ARHGAP42: variants seen among roughly 807,000 people sequenced by gnomAD.
ARHGAP42 encodes rho GTPase-activating protein 42.
Under a neutral mutation model 125.0 loss-of-function variants are expected in ARHGAP42, and 63 were observed. The ratio of observed to expected loss-of-function variants is 0.50; its 90% CI spans 0.41 to 0.62. ARHGAP42 has a LOEUF of 0.62. Among genes scored for constraint, ARHGAP42 ranks in the 20% least tolerant of loss-of-function variants. The probability of loss-of-function intolerance (pLI) is 0.00; values close to 1 mark genes in which losing one functional copy is unlikely to be tolerated. For synonymous variants in ARHGAP42, 339 were observed against 351.0 expected (o/e 0.97, Z 0.38); for missense variants, 766 against 1,024.2 (o/e 0.75, Z 3.44).
At chr11:100,806,821 ATTTGTTTG>A (rs1186533000) in intron 3 of ARHGAP42, among the ~76,000 whole-genome samples, 3 of 141,760 alleles carry the variant, frequency 2.1e-5, no homozygotes, top group Non-Finnish European at 1.5e-5. Flanking sequence ...TAAATTTTTT[ATTTGTTTG>A]TTTGTTTGTT....
intron 10 of ARHGAP42, 82 bp from the exon 11 acceptor site, chr11:100,948,375 C>T: frequency 6.1e-6 from 6 of 984,446 alleles, no homozygotes; most frequent in South Asian, 2.6e-5. Flanking sequence ...AACTTTTTTT[C>T]TTCAAATTTT....
intron 2 of ARHGAP42, among the ~76,000 whole-genome samples, chr11:100,774,331 G>A (rs915424766): frequency 3.3e-5 from 5 of 152,158 alleles, no homozygotes; most frequent in Non-Finnish European, 7.3e-5. Flanking sequence ...TACGTGGGAC[G>A]GTACAGCGTT....
intron 6 of ARHGAP42, among the ~76,000 whole-genome samples, chr11:100,925,195 T>C (rs1048355785): frequency 3.9e-5 from 6 of 151,988 alleles, no homozygotes; most frequent in Admixed American, 6.6e-5. Context: ...TTATATTTTA[T>C]ATAGAAAGGG....
intron 3 of ARHGAP42, among the ~76,000 whole-genome samples, chr11:100,833,056 A>T (rs1017552486): frequency 2.6e-5 from 4 of 152,156 alleles, no homozygotes; most frequent in African/African-American, 7.2e-5. Context: ...GCATTTTTTC[A>T]TATTGCCACA....
chr11:100,727,269 A>AAT (rs960160589), intron 1 of ARHGAP42, among the ~76,000 whole-genome samples: 10 of 152,296 alleles, frequency 6.6e-5, no homozygotes, highest in Admixed American at 2.0e-4. Context: ...ATATAATTTA[A>AAT]ATATATATAT....
intron 1 of ARHGAP42, among the ~76,000 whole-genome samples, chr11:100,728,241 G>A (rs1235510448): frequency 6.6e-6 from 1 of 152,138 alleles, no homozygotes; most frequent in Non-Finnish European, 1.5e-5. Flanking sequence ...TAATCAAGCA[G>A]TTGGCTATCG....
chr11:100,725,316 G>A (rs180688940), intron 1 of ARHGAP42, among the ~76,000 whole-genome samples: 2 of 151,684 alleles, frequency 1.3e-5, no homozygotes, highest in East Asian at 2.0e-4. Context: ...GATTACAGGC[G>A]CACACCACCA....
At chr11:100,787,417 G>A (rs934239752) in intron 2 of ARHGAP42, among the ~76,000 whole-genome samples, 1 of 152,190 alleles carries the variant, frequency 6.6e-6, no homozygotes, top group Non-Finnish European at 1.5e-5. Flanking sequence ...GTGTGAATCA[G>A]TTAAACCTCT....
chr11:100,744,561 T>TGTGC (rs893779734), intron 1 of ARHGAP42, among the ~76,000 whole-genome samples: 2 of 139,144 alleles, frequency 1.4e-5, no homozygotes, highest in African/African-American at 5.4e-5. Flanking sequence ...TGTGTGTGTG[T>TGTGC]GTGCGTGCTT....
chr11:100,907,784 A>G (rs1314938076), intron 4 of ARHGAP42, among the ~76,000 whole-genome samples: 5 of 152,152 alleles, frequency 3.3e-5, no homozygotes, highest in Admixed American at 2.0e-4. Flanking sequence ...GAAGAAGTCT[A>G]ATTAGGGGTG....
chr11:100,770,235 C>A, intron 1 of ARHGAP42, 108 bp from the exon 2 acceptor site: 3 of 743,896 alleles, frequency 4.0e-6, no homozygotes, highest in Non-Finnish European at 6.4e-6. Context: ...TTAAAGGATT[C>A]TGGTTCATAT....
intron 5 of ARHGAP42, among the ~76,000 whole-genome samples, chr11:100,918,726 C>T (rs1344100903): frequency 6.6e-6 from 1 of 152,150 alleles, no homozygotes; most frequent in Non-Finnish European, 1.5e-5. Flanking sequence ...ATACTGTATG[C>T]TCTGGATGAC....
At chr11:100,897,620 C>T (rs569507878) in intron 4 of ARHGAP42, among the ~76,000 whole-genome samples, 51 of 152,214 alleles carry the variant, frequency 3.4e-4, no homozygotes, top group African/African-American at 1.2e-3. Context: ...TGGGAGTTCA[C>T]TCATGATTTG....
rs542678437 is a variant in ARHGAP42 at position 100,741,219 on chromosome 11, C to T, written c.155-29124C>T. Among the ~76,000 whole-genome samples the T allele has an allele frequency of 5.2e-4, 79 of 152,152 alleles. 2 individuals carry two copies. The highest frequency in any genetic ancestry group is 1.5e-3 in the African/African-American group (64 of 41,522). ...CTAATTTTTGTATTTTTAGTACAGA[C>T]GGGGTTTCACCATATCGGCGAGGCT... On this transcript the variant is annotated intron_variant, in intron 1 of 23. Coordinates refer to ENST00000298815, the MANE Select transcript of ARHGAP42 (RefSeq NM_152432.4).
intron 3 of ARHGAP42, among the ~76,000 whole-genome samples, chr11:100,833,380 A>G (rs747461859): frequency 6.6e-6 from 1 of 152,184 alleles, no homozygotes; most frequent in Non-Finnish European, 1.5e-5. Flanking sequence ...TAACAAACCA[A>G]TCCAAATATT....
chr11:100,795,140 G>T lies in ARHGAP42; in HGVS notation c.286G>T (p.Ala96Ser). 6.5e-7 allele frequency: 1 copy of T among 1,544,234 alleles called. No homozygotes were observed. The highest frequency in any genetic ancestry group is 8.7e-7 in the Non-Finnish European group (1 of 1,143,660). Reference sequence around the variant, plus strand: ...AAAAGAATTTGCAAGACTACTCATTGCAGTAGAAGAAGAAAGGCGAAGACT... The same window carrying T: ...AAAAGAATTTGCAAGACTACTCATTTCAGTAGAAGAAGAAAGGCGAAGACT... ...SLKEFARLLIAVEEERRRLIQ... is the reference protein window; with the variant it reads ...SLKEFARLLISVEEERRRLIQ... The change falls in exon 3 of 24, where the codon GCA becomes TCA. Residue 96 changes from alanine (A) to serine (S), a missense_variant. Ala to Ser is a moderately conservative substitution (Grantham distance 99). Around this residue, in one of 3 missense-constraint regions of ARHGAP42, gnomAD observed 455 missense variants for 636.5 expected, o/e 0.71. Coordinates refer to ENST00000298815, the MANE Select transcript of ARHGAP42 (RefSeq NM_152432.4).
Position 100,913,974 on chromosome 11 carries a change from G to T in ARHGAP42, c.486+421G>T, listed in dbSNP as rs144367339. On this transcript the variant is annotated intron_variant, in intron 5 of 23. Coordinates refer to ENST00000298815, the MANE Select transcript of ARHGAP42 (RefSeq NM_152432.4). ...TTTTGAGATGGAGTTTGGCTGTGTC[G>T]CCCAGGCTGGAGTGCAGTGGTGCAC... 7.1e-3 allele frequency among the ~76,000 whole-genome samples: 1,083 copies of T among 152,110 alleles called. 69 individuals carry two copies. The East Asian group carries it at 0.15, about 21-fold the overall frequency.
At chr11:100,820,551 G>A (rs1311563210) in intron 3 of ARHGAP42, among the ~76,000 whole-genome samples, 1 of 152,096 alleles carries the variant, frequency 6.6e-6, no homozygotes, top group African/African-American at 2.4e-5. Flanking sequence ...GGAGAACATG[G>A]TTAAGTGAGG....
intron 1 of ARHGAP42, among the ~76,000 whole-genome samples, chr11:100,704,055 GTTAA>G (rs773285222): frequency 2.0e-5 from 3 of 152,188 alleles, no homozygotes; most frequent in Non-Finnish European, 4.4e-5. Context: ...GGCTGAGTGT[GTTAA>G]TTAGAGACAA....
Sources: gnomAD v4.1 joint callset for allele counts (sites outside exome capture counted in the v4.1 genomes callset) on GRCh38, gnomAD v4.1.1 for gene constraint, gnomAD v4.1.1 regional missense constraint, MANE v1.5 for transcripts, NCBI Gene and HGNC (gene_info 2026-07-23, HGNC 2026-07-21) for gene names.